The following DTNB variants were observed in gnomAD, a reference collection of about 807,000 sequenced individuals.
DTNB encodes dystrobrevin beta.
In DTNB, 63 loss-of-function variants were observed where a neutral mutation model predicts 90.7. That is an observed-to-expected ratio of 0.69 (90% CI 0.57 to 0.86). DTNB has a LOEUF of 0.86. Ranked by LOEUF, DTNB falls within the 40% of genes least tolerant of loss-of-function variation. The probability of loss-of-function intolerance (pLI) is 0.00; values close to 1 mark genes in which losing one functional copy is unlikely to be tolerated. For missense variants in DTNB, 744 were observed against 807.1 expected (o/e 0.92, Z 0.95); for synonymous variants, 277 against 286.7 (o/e 0.97, Z 0.34).
At chr2:25,430,159 A>G (rs1429863540) in intron 14 of DTNB, among the ~76,000 whole-genome samples, 1 of 151,954 alleles carries the variant, frequency 6.6e-6, no homozygotes, top group East Asian at 1.9e-4. Flanking sequence ...GTGTGTATAC[A>G]TACATTATAT....
At chr2:25,456,569 GTTTTTGTT>G (rs552455964) in intron 10 of DTNB, among the ~76,000 whole-genome samples, 21 of 151,260 alleles carry the variant, frequency 1.4e-4, no homozygotes, top group African/African-American at 4.4e-4. Flanking sequence ...GTTTTTTTTT[GTTTTTGTT>G]TTTTTGTTTT....
rs1179596539 is a variant in DTNB at position 25,434,399 on chromosome 2, C to CTTTTT, written c.1258-409_1258-405dup. ...AATTCATGTTTTTCCATGAACTAGT[C>CTTTTT]TTTTTTTTTTTTTTTTTTTTTTGAG... On this transcript the variant is annotated intron_variant, in intron 12 of 20. Coordinates refer to ENST00000406818, the MANE Select transcript of DTNB (RefSeq NM_021907.5). Among the ~76,000 whole-genome samples the CTTTTT allele has an allele frequency of 4.7e-3, 453 of 95,464 alleles. 10 individuals carry two copies. The highest frequency in any genetic ancestry group is 0.011 in the East Asian group (31 of 2,924). 62.6% of individuals were successfully genotyped at this position (95,464 alleles called of 152,430 possible). A position where few individuals can be genotyped will look rare whatever the true frequency, so the allele number is the denominator to read the frequency against.
At chr2:25,504,430 AAGAAGGAAAGAG>A (rs2071764944) in intron 9 of DTNB, among the ~76,000 whole-genome samples, 1 of 151,018 alleles carries the variant, frequency 6.6e-6, no homozygotes, top group Non-Finnish European at 1.5e-5. Flanking sequence ...GAAGGAAAGA[AAGAAGGAAAGAG>A]AGAAGGAAAG....
In DTNB at chr2:25,531,675, T is replaced by C. The variant is rs530103513; in HGVS notation, c.877-78A>G. The C allele has an allele frequency of 7.9e-6, 12 of 1,522,746 alleles. No individual in the cohort carries two copies. In the East Asian group the frequency reaches 1.4e-4, roughly 18 times the overall value. The allele number at this position is 1,522,746 out of a possible 1,614,324, so 94.3% of individuals were successfully genotyped here. On this transcript the variant is annotated intron_variant, in intron 8 of 20. Transcript: ENST00000406818. ...AACTTCAAAAAAGAAAAAAACTTTG[T>C]GACAAGAGTGTAAAAACATCTTTTC... is the stretch of plus-strand genomic sequence containing the variant.
In DTNB at chr2:25,491,711, A is replaced by AT. The variant is rs1218548801; in HGVS notation, c.1002-8839dup. Reference sequence around the variant, plus strand: ...ATTAATGTCTACTGCTTGGTCTGTTATTTTTTTTCTTCTACCATCTATGAC... The same window carrying AT: ...ATTAATGTCTACTGCTTGGTCTGTTATTTTTTTTTCTTCTACCATCTATGAC... On this transcript the variant is annotated intron_variant, in intron 9 of 20. Transcript: ENST00000406818. Among the ~76,000 whole-genome samples the AT allele has an allele frequency of 2.0e-5, 3 of 151,196 alleles. No individual in the cohort carries two copies. In the South Asian group the frequency reaches 6.3e-4, roughly 32 times the overall value.
At chr2:25,444,354 C>A (rs896366366) in intron 12 of DTNB, among the ~76,000 whole-genome samples, 2 of 151,842 alleles carry the variant, frequency 1.3e-5, no homozygotes, top group Middle Eastern at 3.2e-3. Flanking sequence ...CATGGTGAAA[C>A]CCTGTCTCTA....
At position 25,628,350 on chromosome 2, in the gene DTNB, G is replaced by C. The variant is rs1397038189; in HGVS notation, c.183C>G (p.Ala61=). Residue 61 remains alanine (A), a synonymous_variant, in exon 4 of 21, where the codon GCC becomes GCG. Coordinates refer to ENST00000406818, the MANE Select transcript of DTNB (RefSeq NM_021907.5). ...HLVDIWNMIE[A]FRDNGLNTLD... The stretch of plus-strand genomic sequence containing the variant: ...GTGTATTAAGGCCATTGTCTCGGAA[G>C]GCTTCAATCATGTTCCAGATATCAA... 1 of 1,613,310 alleles carries C rather than the reference G, an allele frequency of 6.2e-7. No individual in the cohort carries two copies. The highest frequency in any genetic ancestry group is 8.5e-7 in the Non-Finnish European group (1 of 1,179,786).
rs1370285777 is a variant in DTNB, at chr2:25,672,342, A to C, written c.-2+1044T>G. On this transcript the variant is annotated intron_variant, in intron 1 of 20. Coordinates refer to ENST00000406818, the MANE Select transcript of DTNB (RefSeq NM_021907.5). ...AAATGTGGCCAAACCTTGCTTGTCC[A>C]TTCATTCATGCAATAGACACTTATG... is the stretch of plus-strand genomic sequence containing the variant. Among the ~76,000 whole-genome samples, 3 of 151,556 alleles carry C rather than the reference A, an allele frequency of 2.0e-5. No individual in the cohort carries two copies. The East Asian group carries it at 5.8e-4, about 29-fold the overall frequency.
intron 9 of DTNB, among the ~76,000 whole-genome samples, chr2:25,507,935 G>A (rs568191691): frequency 6.6e-6 from 1 of 152,170 alleles, no homozygotes; most frequent in South Asian, 2.1e-4. Context: ...TGTTCCTTTG[G>A]CAAGGAATGC....
At chr2:25,456,848 G>A (rs529314317) in intron 10 of DTNB, among the ~76,000 whole-genome samples, 4 of 152,118 alleles carry the variant, frequency 2.6e-5, no homozygotes, top group African/African-American at 7.2e-5. Flanking sequence ...GATTACAGGT[G>A]TGAGCCACTG....
rs2059266934 is a variant in DTNB at position 25,451,441 on chromosome 2, C to T, written c.1257+107G>A. ...AGCATGTGGAAAAGTGGAAAGTGTC[C>T]CCGAGGTACCTGTTCTCCTAAATTT... is the stretch of plus-strand genomic sequence containing the variant. On this transcript the variant is annotated intron_variant, in intron 12 of 20. Coordinates refer to ENST00000406818, the MANE Select transcript of DTNB (RefSeq NM_021907.5). 5 of 1,190,924 alleles carry T rather than the reference C, an allele frequency of 4.2e-6. No individual in the cohort carries two copies. The Admixed American group carries it at 1.2e-4, about 30-fold the overall frequency. 73.8% of individuals were successfully genotyped at this position (1,190,924 alleles called of 1,614,324 possible). A position where few individuals can be genotyped will look rare whatever the true frequency, so the allele number is the denominator to read the frequency against.
intron 16 of DTNB, among the ~76,000 whole-genome samples, chr2:25,409,970 C>T (rs569466868): frequency 6.6e-6 from 1 of 152,316 alleles, no homozygotes; most frequent in African/African-American, 2.4e-5. Flanking sequence ...ATCAAAGTCC[C>T]CTCCTAACCC....
At chr2:25,562,086 A>T (rs776067285) in intron 8 of DTNB, among the ~76,000 whole-genome samples, 1 of 152,226 alleles carries the variant, frequency 6.6e-6, no homozygotes, top group Non-Finnish European at 1.5e-5. Context: ...GCCCCCGGAA[A>T]CTACTAATGT....
intron 1 of DTNB, among the ~76,000 whole-genome samples, chr2:25,665,749 T>C (rs1240849411): frequency 2.7e-5 from 4 of 149,896 alleles, no homozygotes; most frequent in African/African-American, 4.9e-5. Context: ...CTTCCTTTAA[T>C]ACTTCTTTTC....
intron 6 of DTNB, among the ~76,000 whole-genome samples, chr2:25,593,928 T>C (rs994383684): frequency 2.0e-5 from 3 of 152,172 alleles, no homozygotes; most frequent in Non-Finnish European, 4.4e-5. Flanking sequence ...CAGAACTTGA[T>C]CCATTTTTAG....
intron 4 of DTNB, among the ~76,000 whole-genome samples, chr2:25,610,942 TC>T (rs2068461223): frequency 6.6e-6 from 1 of 152,200 alleles, no homozygotes; most frequent in Non-Finnish European, 1.5e-5. Context: ...ACTCCTGACT[TC>T]AGGTGATCCA....
At chr2:25,612,849 A>G (rs1202541567) in intron 4 of DTNB, among the ~76,000 whole-genome samples, 1 of 152,214 alleles carries the variant, frequency 6.6e-6, no homozygotes, top group African/African-American at 2.4e-5. Flanking sequence ...CTTGAAAAAC[A>G]CAAACCACCA....
At chr2:25,450,891 C>A (rs1201921194) in intron 12 of DTNB, among the ~76,000 whole-genome samples, 5 of 152,092 alleles carry the variant, frequency 3.3e-5, no homozygotes, top group Non-Finnish European at 5.9e-5. Context: ...GCAGCCTTGA[C>A]CTCCCCGGGC....
chr2:25,549,859 C>T (rs2083228880), intron 8 of DTNB, among the ~76,000 whole-genome samples: 1 of 152,014 alleles, frequency 6.6e-6, no homozygotes, highest in African/African-American at 2.4e-5. Context: ...TGGGGTTTCA[C>T]CACATTGCCC....
Sources: gnomAD v4.1 joint callset for allele counts (sites outside exome capture counted in the v4.1 genomes callset) on GRCh38, gnomAD v4.1.1 for gene constraint, MANE v1.5 for transcripts, NCBI Gene and HGNC (gene_info 2026-07-23, HGNC 2026-07-21) for gene names.